Variants in TMEM80 observed in about 807,000 individuals in gnomAD.
TMEM80 encodes transmembrane protein 80.
A neutral mutation model predicts 13.6 loss-of-function variants in TMEM80; 16 were observed. The observed-to-expected ratio is 1.17, with a 90% CI of 0.79 to 1.78. The LOEUF (loss-of-function observed/expected upper bound fraction) is 1.78, where lower values mean the gene tolerates loss of function less well. Among genes scored for constraint, TMEM80 ranks in the 40% most tolerant of loss-of-function variants. TMEM80 has a pLI of 0.00. For synonymous variants in TMEM80, 92 were observed against 89.5 expected, an observed-to-expected ratio of 1.03 and a Z score of -0.16; for missense variants, 167 against 184.6, an observed-to-expected ratio of 0.90 and a Z score of 0.55.
chr11:699,050 C>G, intron 2 of TMEM80, 162 bp downstream of exon 2: 1 of 829,168 alleles, frequency 1.2e-6, no homozygotes, highest in Admixed American at 2.0e-5. Flanking sequence ...GATGTAACTT[C>G]CTCGGATCAG....
At chr11:702,134 G>A (rs1861525065) in intron 4 of TMEM80, among the ~76,000 whole-genome samples, 1 of 152,172 alleles carries the variant, frequency 6.6e-6, no homozygotes, top group South Asian at 2.1e-4. Context: ...GGGGAAGGGT[G>A]GCCCCCACCC....
rs746614079 is a variant in TMEM80 at position 702,968 on chromosome 11, G to T, written c.250G>T (p.Ala84Ser). 3.7e-6 allele frequency: 6 copies of T among 1,609,984 alleles called. No homozygotes were observed. In the South Asian group the frequency reaches 6.6e-5, roughly 18 times the overall value. The change falls in exon 5 of 5, where the codon GCT becomes TCT. Residue 84 changes from alanine (A) to serine (S), a missense_variant. Physicochemically the swap from Ala to Ser is moderately conservative, Grantham distance 99 (BLOSUM62 1). Transcript: ENST00000397510. Reference protein sequence around the residue: ...YLGTRGNLTEAERPLAASLAL... With the variant: ...YLGTRGNLTESERPLAASLAL... The stretch of plus-strand genomic sequence containing the variant: ...AGGCACCAGGGGCAACCTGACAGAG[G>T]CTGAGAGGCCGCTGGCCGCCAGCCT...
At chr11:701,609 C>T (rs1026518276) in intron 4 of TMEM80, among the ~76,000 whole-genome samples, 1 of 151,848 alleles carries the variant, frequency 6.6e-6, no homozygotes, top group African/African-American at 2.4e-5. Context: ...TGGGGTTTCA[C>T]CATGTTAGCC....
chr11:699,017 T>C (rs1361049433), intron 2 of TMEM80, 129 bp downstream of exon 2: 4 of 1,098,558 alleles, frequency 3.6e-6, no homozygotes, highest in Non-Finnish European at 5.5e-6. Context: ...GAGGGGGGTG[T>C]TCCTTGACAG....
chr11:699,994 C>CAGAT lies in TMEM80; in HGVS notation c.40-145_40-142dup, dbSNP rs541008628. The stretch of plus-strand genomic sequence containing the variant: ...GCAGCCAGCATAGTGACAGAAGCCT[C>CAGAT]AGATAGGCAGTGAGCCATTGCCAAG... On this transcript the variant is annotated intron_variant, in intron 2 of 4. Transcript: ENST00000397510. 2.7e-4 allele frequency: 167 copies of CAGAT among 624,408 alleles called. No individual in the cohort carries two copies. In the East Asian group the frequency reaches 4.0e-3, roughly 15 times the overall value. 38.7% of individuals were successfully genotyped at this position (624,408 alleles called of 1,614,324 possible).
chr11:697,596 A>C (rs1258736867), intron 1 of TMEM80: 2 of 152,238 alleles, frequency 1.3e-5, no homozygotes, highest in Admixed American at 1.3e-4. Flanking sequence ...AGCAACTAGC[A>C]GACACATTGG....
chr11:700,251 G>T lies in TMEM80; in HGVS notation c.133+16G>T. The T allele has an allele frequency of 6.2e-7, 1 of 1,605,604 alleles. No individual in the cohort carries two copies. The highest frequency in any genetic ancestry group is 1.1e-5 in the South Asian group (1 of 90,922). On this transcript the variant is annotated intron_variant, in intron 3 of 4. Transcript: ENST00000397510. ...ACGTATAAAAGTAAGTCAGGGACGG[G>T]CACAGTGGCTCACGCCTGTAATCCC...
chr11:700,008 G>T lies in TMEM80; in HGVS notation c.40-134G>T, dbSNP rs1360939666. The T allele has an allele frequency of 7.0e-5, 47 of 667,802 alleles. No individual in the cohort carries two copies. In the East Asian group the frequency reaches 1.2e-3, roughly 18 times the overall value. 41.4% of individuals were successfully genotyped at this position (667,802 alleles called of 1,614,324 possible). A position where few individuals can be genotyped will look rare whatever the true frequency, so the allele number is the denominator to read the frequency against. The stretch of plus-strand genomic sequence containing the variant: ...GACAGAAGCCTCAGATAGGCAGTGA[G>T]CCATTGCCAAGACTCCATGGTCCCT... On this transcript the variant is annotated intron_variant, in intron 2 of 4. Transcript: ENST00000397510.
intron 3 of TMEM80, 75 bp from the exon 4 acceptor site, chr11:700,540 A>AT: frequency 1.5e-5 from 18 of 1,193,886 alleles, no homozygotes; most frequent in Non-Finnish European, 2.1e-5. Context: ...AAAAAAAAAA[A>AT]GGAAAAGGCA....
chr11:695,798 C>T, upstream of TMEM80: 1 of 1,235,244 alleles, frequency 8.1e-7, no homozygotes, highest in East Asian at 3.2e-5. Flanking sequence ...CTGCCGGGAT[C>T]GCGACGGACC....
chr11:699,888 G>A, intron 2 of TMEM80: 1 of 470,994 alleles, frequency 2.1e-6, no homozygotes, highest in Non-Finnish European at 3.8e-6. Context: ...CAGGAGGGCA[G>A]GGGCTGCAGT....
At chr11:700,905 A>G (rs930639374) in intron 4 of TMEM80, 198 bp downstream of exon 4, 1 of 620,556 alleles carries the variant, frequency 1.6e-6, no homozygotes, top group African/African-American at 1.8e-5. Context: ...GACAAATAAC[A>G]CTGGGGGCAT....
chr11:696,791 C>T (rs1368302145), intron 1 of TMEM80, among the ~76,000 whole-genome samples: 5 of 148,924 alleles, frequency 3.4e-5, no homozygotes, highest in African/African-American at 1.2e-4. Flanking sequence ...AAAATTACCC[C>T]GGGGAAGGCC....
In TMEM80 at chr11:703,573, G is replaced by C; in HGVS notation, c.*423G>C. 1.5e-5 allele frequency: 19 copies of C among 1,233,452 alleles called. No individual in the cohort carries two copies. The highest frequency in any genetic ancestry group is 1.9e-5 in the Non-Finnish European group (19 of 989,076). 76.4% of individuals were successfully genotyped at this position (1,233,452 alleles called of 1,614,324 possible). ...TAGTTCCCCAATGGTCCTAATTTGTGTTCTGAGATCCCAGTTTACTCCGTG... is the reference window on the plus strand; with the variant it reads ...TAGTTCCCCAATGGTCCTAATTTGTCTTCTGAGATCCCAGTTTACTCCGTG... On this transcript the variant is annotated 3_prime_UTR_variant, in exon 5 of 5. Transcript: ENST00000397510.
At chr11:700,924 G>A (rs574372319) in intron 4 of TMEM80, 3 of 595,276 alleles carry the variant, frequency 5.0e-6, no homozygotes, top group Non-Finnish European at 9.0e-6. Context: ...ATCGTTGGGA[G>A]AGACTCTGTG....
At position 703,183 on chromosome 11, in the gene TMEM80, C is replaced by G; in HGVS notation, c.*33C>G. 1.3e-6 allele frequency: 2 copies of G among 1,575,440 alleles called. No individual in the cohort carries two copies. The highest frequency in any genetic ancestry group is 1.7e-6 in the Non-Finnish European group (2 of 1,155,656). On this transcript the variant is annotated 3_prime_UTR_variant, in exon 5 of 5. Coordinates refer to ENST00000397510, the MANE Select transcript of TMEM80 (RefSeq NM_001042463.3). ...CACCCGGGATACCCCACACTGGGGC[C>G]CTCCTCCTGGGCCTGACCAGTCCCC...
downstream of TMEM80, chr11:704,327 C>A: frequency 1.3e-6 from 1 of 791,552 alleles, no homozygotes; most frequent in Non-Finnish European, 1.8e-6. Flanking sequence ...GCTCCCTCGG[C>A]TGGGGTGGCT....
Position 695,866 on chromosome 11 carries a change from G to C in TMEM80, c.19+20G>C. On this transcript the variant is annotated intron_variant, in intron 1 of 4. Transcript: ENST00000397510. ...GGCGAGGTGAGCTCGGGCGGGGTGG[G>C]GGCTTCCGGGCTTGCAGCGGCGGGC... 8.2e-7 allele frequency: 1 copy of C among 1,226,702 alleles called. No individual in the cohort carries two copies. The highest frequency in any genetic ancestry group is 1.0e-6 in the Non-Finnish European group (1 of 983,442). The allele number at this position is 1,226,702 out of a possible 1,614,324, so 76.0% of individuals were successfully genotyped here.
At position 704,123 on chromosome 11, in the gene TMEM80, C is replaced by T; in HGVS notation, c.*973C>T. Reference sequence around the variant, plus strand: ...TGTAAATAAAGAGATGTGTATGCCTCCCTGAATTCTCCTAATTATGGCCAC... The same window carrying T: ...TGTAAATAAAGAGATGTGTATGCCTTCCTGAATTCTCCTAATTATGGCCAC... On this transcript the variant is annotated 3_prime_UTR_variant, in exon 5 of 5. Transcript: ENST00000397510. 1 of 1,129,648 alleles carries T rather than the reference C, an allele frequency of 8.9e-7. No individual in the cohort carries two copies. The allele number at this position is 1,129,648 out of a possible 1,614,324, so 70.0% of individuals were successfully genotyped here. A position where few individuals can be genotyped will look rare whatever the true frequency, so the allele number is the denominator to read the frequency against.
Sources: allele counts gnomAD v4.1 joint callset (sites outside exome capture counted in the v4.1 genomes callset), GRCh38; gene constraint gnomAD v4.1.1; transcripts MANE v1.5; gene names NCBI Gene and HGNC (gene_info 2026-07-23, HGNC 2026-07-21).